SMARCA2: variants seen among roughly 807,000 people sequenced by gnomAD.
SMARCA2 encodes SWI/SNF related BAF chromatin remodeling complex subunit ATPase 2, also known as SWI/SNF-related matrix-associated actin-dependent regulator of chromatin subfamily A member 2.
A neutral mutation model predicts 199.8 loss-of-function variants in SMARCA2; 61 were observed. The observed-to-expected ratio is 0.31, with a 90% CI of 0.25 to 0.38. The LOEUF (loss-of-function observed/expected upper bound fraction) is 0.38, where lower values mean the gene tolerates loss of function less well. Among genes scored for constraint, SMARCA2 ranks in the 10% least tolerant of loss-of-function variants. The pLI is 1.00. For synonymous variants in SMARCA2, 935 were observed against 732.0 expected (o/e 1.28, Z -4.48); for missense variants, 1,344 against 2,012.2 (o/e 0.67, Z 6.35).
chr9:2,083,218 C>T, intron 15 of SMARCA2, 129 bp from the exon 16 acceptor site: 1 of 492,580 alleles, frequency 2.0e-6, no homozygotes, highest in Non-Finnish European at 3.5e-6. Context: ...AAATAAATAT[C>T]TTGTTGAGAT....
At chr9:2,154,390 A>G (rs559754511) in intron 27 of SMARCA2, among the ~76,000 whole-genome samples, 1 of 152,320 alleles carries the variant, frequency 6.6e-6, no homozygotes, top group African/African-American at 2.4e-5. Flanking sequence ...GACAGCCTCA[A>G]ACTACTATGC....
intron 19 of SMARCA2, among the ~76,000 whole-genome samples, chr9:2,089,764 T>C (rs1821970901): frequency 6.6e-6 from 1 of 152,216 alleles, no homozygotes; most frequent in South Asian, 2.1e-4. Context: ...TGGAGTTTAG[T>C]TACTGAGTAG....
chr9:2,047,620 C>A, intron 5 of SMARCA2, 136 bp downstream of exon 5: 1 of 1,067,440 alleles, frequency 9.4e-7, no homozygotes. Flanking sequence ...CTTTCATCCA[C>A]TCCTGGGGCC....
Position 2,176,943 on chromosome 9 carries a change from C to G in SMARCA2, c.4254-4628C>G, listed in dbSNP as rs559955031. On this transcript the variant is annotated intron_variant, in intron 29 of 33. Coordinates refer to ENST00000349721, the MANE Select transcript of SMARCA2 (RefSeq NM_003070.5). ...CCTGTTTTGCTCTTGCTTCAAGGGT[C>G]TAGGTGATGATATTTCCAAACTTGT... Among the ~76,000 whole-genome samples, 3 of 152,218 alleles carry G rather than the reference C, an allele frequency of 2.0e-5. No individual in the cohort carries two copies. The East Asian group carries it at 5.8e-4, about 29-fold the overall frequency.
At chr9:2,108,982 A>G (rs2130573904) in intron 23 of SMARCA2, among the ~76,000 whole-genome samples, 1 of 152,242 alleles carries the variant, frequency 6.6e-6, no homozygotes, top group African/African-American at 2.4e-5. Flanking sequence ...CTCATTTCTA[A>G]TCCCTGTTTG....
At chr9:2,020,416 C>T (rs1295758371) in intron 1 of SMARCA2, among the ~76,000 whole-genome samples, 1 of 152,072 alleles carries the variant, frequency 6.6e-6, no homozygotes, top group African/African-American at 2.4e-5. Flanking sequence ...ATAGAAAATA[C>T]ACATGGTGGT....
intron 14 of SMARCA2, among the ~76,000 whole-genome samples, chr9:2,078,606 A>G (rs1261614669): frequency 6.6e-6 from 1 of 152,270 alleles, no homozygotes; most frequent in Admixed American, 6.5e-5. Context: ...ACGTTTCCCA[A>G]ATTGTGTTCC....
intron 19 of SMARCA2, 46 bp from the exon 20 acceptor site, chr9:2,096,611 C>T (rs1015910162): frequency 1.3e-5 from 16 of 1,210,526 alleles, no homozygotes; most frequent in Non-Finnish European, 2.0e-5. Context: ...AGAACAGGCG[C>T]CTTCTCCTTC....
chr9:2,079,004 A>G (rs1200333189), intron 14 of SMARCA2, among the ~76,000 whole-genome samples: 2 of 152,162 alleles, frequency 1.3e-5, no homozygotes, highest in Admixed American at 6.5e-5. Context: ...GTTTGTGGCC[A>G]AATACTGTAA....
intron 21 of SMARCA2, 65 bp downstream of exon 21, chr9:2,097,536 A>G (rs1822321804): frequency 2.0e-6 from 2 of 1,016,148 alleles, no homozygotes; most frequent in East Asian, 2.4e-5. Flanking sequence ...TTAAAAAAAA[A>G]CAAACAAACA....
intron 12 of SMARCA2, among the ~76,000 whole-genome samples, chr9:2,075,856 C>T (rs948558343): frequency 1.3e-5 from 2 of 152,076 alleles, no homozygotes; most frequent in South Asian, 2.1e-4. Flanking sequence ...AAGGAGGATC[C>T]TAAGAGCTCT....
At chr9:2,159,492 T>G in intron 27 of SMARCA2, 1 of 228,476 alleles carries the variant, frequency 4.4e-6, no homozygotes, top group East Asian at 9.4e-5. Context: ...AAAGCATACC[T>G]TGTTTTAATT....
At chr9:2,139,327 A>AG (rs972026933) in intron 27 of SMARCA2, among the ~76,000 whole-genome samples, 9 of 152,160 alleles carry the variant, frequency 5.9e-5, no homozygotes, top group East Asian at 3.9e-4. Flanking sequence ...TCTGGTGGGC[A>AG]GGGGGGTAGA....
chr9:2,047,083 C>CTTT, intron 4 of SMARCA2, 146 bp from the exon 5 acceptor site: 11 of 384,050 alleles, frequency 2.9e-5, no homozygotes, highest in Non-Finnish European at 3.9e-5. Flanking sequence ...TCTTGCCCTC[C>CTTT]TTTTTTTTTT....
intron 33 of SMARCA2, chr9:2,192,242 C>T (rs1827936467): frequency 6.0e-6 from 1 of 165,798 alleles, no homozygotes; most frequent in South Asian, 1.6e-4. Context: ...AGATAAATTT[C>T]CCTTTTCCTA....
intron 15 of SMARCA2, among the ~76,000 whole-genome samples, chr9:2,083,001 T>A (rs1251798835): frequency 1.3e-5 from 2 of 152,212 alleles, no homozygotes; most frequent in Non-Finnish European, 2.9e-5. Flanking sequence ...GACTCATCTT[T>A]TTTCTGAACC....
intron 27 of SMARCA2, among the ~76,000 whole-genome samples, chr9:2,133,383 G>GC (rs1287394727): frequency 6.6e-6 from 1 of 152,090 alleles, no homozygotes; most frequent in African/African-American, 2.4e-5. Flanking sequence ...CTCGGCTCAA[G>GC]CAGTCTTCCT....
chr9:2,172,726 A>G (rs7858891), intron 29 of SMARCA2, among the ~76,000 whole-genome samples: 13,097 of 152,164 alleles, frequency 0.086, 704 homozygotes, highest in East Asian at 0.21. Flanking sequence ...AAGGAGGCCA[A>G]CGGAGAGCAC....
chr9:2,192,751 C>G lies in SMARCA2; in HGVS notation c.*12C>G, dbSNP rs1239915031. 1.5e-5 allele frequency: 24 copies of G among 1,599,468 alleles called. No individual in the cohort carries two copies. The South Asian group carries it at 2.4e-4, about 16-fold the overall frequency. ...CGGATGATGAGTGATCAGTATGGAC[C>G]TTTTTCCTTGGTAGAACTGAATTCC... On this transcript the variant is annotated 3_prime_UTR_variant, in exon 34 of 34. Transcript: ENST00000349721.
Sources: gnomAD v4.1 joint callset for allele counts (sites outside exome capture counted in the v4.1 genomes callset) on GRCh38, gnomAD v4.1.1 for gene constraint, MANE v1.5 for transcripts, NCBI Gene and HGNC (gene_info 2026-07-23, HGNC 2026-07-21) for gene names.